Variants in SPON1 observed in about 807,000 individuals in gnomAD.
The protein encoded by SPON1 is spondin 1, also known as spondin-1.
SPON1 carries 52 observed loss-of-function variants against 111.7 expected under a neutral mutation model. That is an observed-to-expected ratio of 0.47 (90% CI 0.37 to 0.59). The LOEUF (loss-of-function observed/expected upper bound fraction) is 0.59, where lower values mean the gene tolerates loss of function less well. SPON1 is among the 20% of genes least tolerant of loss of function. The probability of loss-of-function intolerance (pLI) is 0.00; values close to 1 mark genes in which losing one functional copy is unlikely to be tolerated. For missense variants in SPON1, 957 were observed against 1,068.5 expected (o/e 0.90, Z 1.46); for synonymous variants, 410 against 395.8 (o/e 1.04, Z -0.43).
At chr11:14,079,767 T>C in intron 4 of SPON1, 132 bp from the exon 5 acceptor site, 6 of 918,278 alleles carry the variant, frequency 6.5e-6, no homozygotes, top group Non-Finnish European at 9.9e-6. Flanking sequence ...GATCTGGCTC[T>C]AAGTCTTATT....
At chr11:14,020,066 T>G (rs918655063) in intron 2 of SPON1, among the ~76,000 whole-genome samples, 1 of 152,052 alleles carries the variant, frequency 6.6e-6, no homozygotes, top group African/African-American at 2.4e-5. Flanking sequence ...ACACTGTAAA[T>G]CCTAAACAAA....
chr11:14,166,016 G>C (rs1848025643), intron 6 of SPON1, among the ~76,000 whole-genome samples: 1 of 152,132 alleles, frequency 6.6e-6, no homozygotes, highest in Non-Finnish European at 1.5e-5. Context: ...ATAACTTGGG[G>C]TTCCTGGGCC....
At chr11:14,046,395 T>C (rs770439250) in intron 3 of SPON1, among the ~76,000 whole-genome samples, 22 of 152,164 alleles carry the variant, frequency 1.4e-4, no homozygotes, top group Non-Finnish European at 2.6e-4. Flanking sequence ...AGAGCAGGTA[T>C]CCAGAGGAAC....
chr11:14,242,888 G>C (rs768871622), intron 6 of SPON1, among the ~76,000 whole-genome samples: 2 of 152,234 alleles, frequency 1.3e-5, no homozygotes, highest in African/African-American at 4.8e-5. Flanking sequence ...GACAGGCGTT[G>C]AGGGGACAGT....
chr11:14,007,763 G>C (rs1177829173), intron 2 of SPON1, among the ~76,000 whole-genome samples: 1 of 152,098 alleles, frequency 6.6e-6, no homozygotes, highest in Non-Finnish European at 1.5e-5. Flanking sequence ...CCACAGACTG[G>C]GGGCTGGGGA....
intron 6 of SPON1, among the ~76,000 whole-genome samples, chr11:14,186,973 G>T (rs1412947300): frequency 6.6e-6 from 1 of 152,188 alleles, no homozygotes; most frequent in Non-Finnish European, 1.5e-5. Context: ...GAATACCTGA[G>T]ACTGGGTAAT....
At chr11:14,018,087 G>C (rs956996307) in intron 2 of SPON1, among the ~76,000 whole-genome samples, 6 of 152,160 alleles carry the variant, frequency 3.9e-5, no homozygotes, top group Non-Finnish European at 8.8e-5. Context: ...CTTTTCTTAT[G>C]AAATAACCAT....
intron 6 of SPON1, among the ~76,000 whole-genome samples, chr11:14,214,066 G>A (rs1554936944): frequency 6.6e-6 from 1 of 152,142 alleles, no homozygotes; most frequent in African/African-American, 2.4e-5. Flanking sequence ...TCCCAAACAT[G>A]CCTCTGAACC....
At chr11:14,059,295 G>T (rs184356107) in intron 3 of SPON1, among the ~76,000 whole-genome samples, 1 of 152,152 alleles carries the variant, frequency 6.6e-6, no homozygotes, top group Non-Finnish European at 1.5e-5. Context: ...AGGGGGAAAG[G>T]CTGTGCCCAG....
chr11:14,267,848 A>T lies in SPON1; in HGVS notation c.*2161A>T, dbSNP rs1268578097. 6.6e-6 allele frequency: 1 copy of T among 152,224 alleles called. No individual in the cohort carries two copies. The highest frequency in any genetic ancestry group is 6.5e-5 in the Admixed American group (1 of 15,284). 9.4% of individuals were successfully genotyped at this position (152,224 alleles called of 1,614,324 possible). On this transcript the variant is annotated 3_prime_UTR_variant, in exon 16 of 16. Transcript: ENST00000576479. ...GACTTCCACTTGAGACAGTAAAGAG[A>T]GTATTAGACACCCAGTAAAAACTGC...
intron 2 of SPON1, among the ~76,000 whole-genome samples, chr11:14,002,870 T>G (rs1184940458): frequency 6.6e-6 from 1 of 152,064 alleles, no homozygotes; most frequent in African/African-American, 2.4e-5. Flanking sequence ...ACCTATAATT[T>G]TTTTAAAAAA....
At chr11:14,067,899 C>T (rs1848845072) in intron 3 of SPON1, among the ~76,000 whole-genome samples, 3 of 152,214 alleles carry the variant, frequency 2.0e-5, no homozygotes, top group African/African-American at 7.2e-5. Context: ...TTACGTCACT[C>T]TCCTGTCAGG....
chr11:14,024,881 T>G (rs1848506693), intron 2 of SPON1, among the ~76,000 whole-genome samples: 1 of 152,164 alleles, frequency 6.6e-6, no homozygotes, highest in South Asian at 2.1e-4. Context: ...GTTGCATCCT[T>G]CAAGTGACAA....
chr11:13,993,717 A>G (rs375782427), intron 2 of SPON1, among the ~76,000 whole-genome samples: 1 of 152,156 alleles, frequency 6.6e-6, no homozygotes, highest in Non-Finnish European at 1.5e-5. Flanking sequence ...ACTGAACTAT[A>G]AGATCTACAG....
At chr11:14,246,460 T>C (rs1189483279) in intron 7 of SPON1, among the ~76,000 whole-genome samples, 1 of 152,208 alleles carries the variant, frequency 6.6e-6, no homozygotes, top group Non-Finnish European at 1.5e-5. Context: ...TGCTTTTCAC[T>C]ATAACACGAT....
At chr11:14,064,290 A>G (rs1488272131) in intron 3 of SPON1, among the ~76,000 whole-genome samples, 1 of 152,258 alleles carries the variant, frequency 6.6e-6, no homozygotes, top group East Asian at 1.9e-4. Flanking sequence ...AGAGTACCCA[A>G]TGCCTGAATG....
chr11:14,145,051 G>A (rs1192943893), intron 6 of SPON1, among the ~76,000 whole-genome samples: 1 of 152,172 alleles, frequency 6.6e-6, no homozygotes, highest in Admixed American at 6.6e-5. Flanking sequence ...AGTGGTGATA[G>A]GGTAAGGAGT....
Position 14,169,459 on chromosome 11 carries a change from T to C in SPON1, c.825+33891T>C, listed in dbSNP as rs571515204. ...CCCATTCTGTAGGTTGCCTGTTCAC[T>C]CTGATGGTAGTTTCTTTTGCTCTGC... On this transcript the variant is annotated intron_variant, in intron 6 of 15. Transcript: ENST00000576479. Among the ~76,000 whole-genome samples, 40 of 152,148 alleles carry C rather than the reference T, an allele frequency of 2.6e-4. No individual in the cohort carries two copies. In the South Asian group the frequency reaches 6.0e-3, roughly 23 times the overall value.
intron 6 of SPON1, among the ~76,000 whole-genome samples, chr11:14,204,005 T>C (rs1848490446): frequency 6.6e-6 from 1 of 152,118 alleles, no homozygotes; most frequent in African/African-American, 2.4e-5. Flanking sequence ...AAATCCAGGG[T>C]ATTTTTGCTA....
Sources: allele counts gnomAD v4.1 joint callset (sites outside exome capture counted in the v4.1 genomes callset), GRCh38; gene constraint gnomAD v4.1.1; transcripts MANE v1.5; gene names NCBI Gene and HGNC (gene_info 2026-07-23, HGNC 2026-07-21).